SDK1: variants seen among roughly 807,000 people sequenced by gnomAD.
The protein encoded by SDK1 is sidekick cell adhesion molecule 1.
Under a neutral mutation model 245.5 loss-of-function variants are expected in SDK1, and 157 were observed. The ratio of observed to expected loss-of-function variants is 0.64; its 90% CI spans 0.56 to 0.73. SDK1 has a LOEUF of 0.73. Ranked by LOEUF, SDK1 falls within the 30% of genes least tolerant of loss-of-function variation. SDK1 has a pLI of 0.00. For missense variants in SDK1, 3,583 were observed against 3,002.3 expected, an observed-to-expected ratio of 1.19 and a Z score of -4.52; for synonymous variants, 1,647 against 1,278.5, an observed-to-expected ratio of 1.29 and a Z score of -6.15.
chr7:4,268,385 G>A lies in SDK1; in HGVS notation c.*3001G>A, dbSNP rs1025140476. 1.2e-5 allele frequency: 13 copies of A among 1,070,414 alleles called. No homozygotes were observed. Among genetic ancestry groups the A allele is most frequent in the Non-Finnish European group, 1.3e-5 (11 of 877,474 alleles). The allele number at this position is 1,070,414 out of a possible 1,614,324, so 66.3% of individuals were successfully genotyped here. On this transcript the variant is annotated 3_prime_UTR_variant, in exon 45 of 45. Coordinates refer to ENST00000404826, the MANE Select transcript of SDK1 (RefSeq NM_152744.4). ...CGGCCTCCTGCACGGCCACCTTCTG[G>A]GTGAATCGGTCCAGCCCAAGCCCCT...
chr7:3,427,474 G>T (rs901933896), intron 1 of SDK1, among the ~76,000 whole-genome samples: 10 of 148,748 alleles, frequency 6.7e-5, no homozygotes, highest in African/African-American at 2.0e-4. Context: ...AGCTGAGATT[G>T]TGCCATTGGA....
chr7:3,467,424 A>G (rs937444730), intron 1 of SDK1, among the ~76,000 whole-genome samples: 38 of 152,228 alleles, frequency 2.5e-4, no homozygotes, highest in Admixed American at 1.8e-3. Context: ...CCAAAAATGT[A>G]TAGTATAAAA....
intron 17 of SDK1, among the ~76,000 whole-genome samples, chr7:4,042,492 G>T (rs1256554873): frequency 7.3e-6 from 1 of 136,490 alleles, no homozygotes; most frequent in African/African-American, 3.4e-5. Context: ...CCAGGTGCCT[G>T]CGTGGGGGGA....
At chr7:3,926,679 G>A (rs755780912) in intron 5 of SDK1, among the ~76,000 whole-genome samples, 2 of 152,130 alleles carry the variant, frequency 1.3e-5, no homozygotes, top group Non-Finnish European at 2.9e-5. Context: ...GTGAGGTCCT[G>A]TTTTGATTTT....
chr7:4,017,372 C>G lies in SDK1; in HGVS notation c.2602+20C>G, dbSNP rs998221621. On this transcript the variant is annotated intron_variant, in intron 17 of 44. Coordinates refer to ENST00000404826, the MANE Select transcript of SDK1 (RefSeq NM_152744.4). ...AGGGAGGTAAGCTTGTCTCCAAAACCACGAGGTGGCGGGATCTTTGCCGGG... is the reference window on the plus strand; with the variant it reads ...AGGGAGGTAAGCTTGTCTCCAAAACGACGAGGTGGCGGGATCTTTGCCGGG... The G allele has an allele frequency of 1.3e-6, 2 of 1,587,538 alleles. No homozygotes were observed. Among genetic ancestry groups the G allele is most frequent in the Admixed American group, 1.7e-5 (1 of 57,554 alleles).
At chr7:3,340,073 C>T (rs942841253) in intron 1 of SDK1, among the ~76,000 whole-genome samples, 2 of 152,010 alleles carry the variant, frequency 1.3e-5, no homozygotes, top group African/African-American at 4.8e-5. Context: ...ACTTTGTGCT[C>T]ATAAATTTGA....
intron 4 of SDK1, among the ~76,000 whole-genome samples, chr7:3,658,929 T>C (rs1472717411): frequency 6.6e-6 from 1 of 152,124 alleles, no homozygotes; most frequent in East Asian, 1.9e-4. Context: ...ATCACCACTA[T>C]CTAACAGAAT....
chr7:3,332,401 A>G (rs1465638189), intron 1 of SDK1, among the ~76,000 whole-genome samples: 1 of 152,094 alleles, frequency 6.6e-6, no homozygotes, highest in Non-Finnish European at 1.5e-5. Flanking sequence ...CTGTATGTAA[A>G]TTCTTATTCT....
intron 35 of SDK1, among the ~76,000 whole-genome samples, chr7:4,188,335 C>G (rs1249383097): frequency 6.6e-6 from 1 of 152,048 alleles, no homozygotes; most frequent in Non-Finnish European, 1.5e-5. Flanking sequence ...AAGAAATAGC[C>G]CAGGTTAAGT....
intron 35 of SDK1, among the ~76,000 whole-genome samples, chr7:4,199,671 C>T (rs867496183): frequency 6.6e-6 from 1 of 152,144 alleles, no homozygotes; most frequent in African/African-American, 2.4e-5. Flanking sequence ...CAGACTAAGG[C>T]CATCCCCTGG....
At chr7:3,553,725 C>T (rs1779490157) in intron 1 of SDK1, among the ~76,000 whole-genome samples, 1 of 152,156 alleles carries the variant, frequency 6.6e-6, no homozygotes, top group Admixed American at 6.5e-5. Flanking sequence ...ACAAATGGTC[C>T]AGCTGAGTAG....
intron 22 of SDK1, among the ~76,000 whole-genome samples, chr7:4,087,479 G>A (rs73671532): frequency 1.0e-4 from 15 of 150,362 alleles, no homozygotes; most frequent in East Asian, 5.9e-4. Flanking sequence ...ACACACGCGC[G>A]CACACACACA....
chr7:3,555,476 G>C (rs1394244656), intron 1 of SDK1, among the ~76,000 whole-genome samples: 3 of 152,130 alleles, frequency 2.0e-5, no homozygotes, highest in Non-Finnish European at 4.4e-5. Flanking sequence ...ACTAGTAAAA[G>C]AAAACATTGG....
chr7:3,691,931 A>G (rs906307747), intron 4 of SDK1, among the ~76,000 whole-genome samples: 2 of 152,046 alleles, frequency 1.3e-5, no homozygotes, highest in East Asian at 1.9e-4. Flanking sequence ...AGGATTCACT[A>G]TGACCTTGCT....
chr7:4,076,915 G>C (rs1780718710), intron 20 of SDK1, 83 bp from the exon 21 acceptor site: 1 of 1,226,830 alleles, frequency 8.2e-7, no homozygotes, highest in Non-Finnish European at 1.2e-6. Context: ...ATAGCTCCAA[G>C]CCTGCAACGA....
At chr7:3,734,085 C>G (rs575177356) in intron 4 of SDK1, among the ~76,000 whole-genome samples, 34 of 152,308 alleles carry the variant, frequency 2.2e-4, no homozygotes, top group Non-Finnish European at 4.1e-4. Context: ...CCAGGCTCCC[C>G]GTGAGATGAA....
At chr7:4,146,567 A>G (rs1243677566) in intron 29 of SDK1, among the ~76,000 whole-genome samples, 4 of 152,270 alleles carry the variant, frequency 2.6e-5, no homozygotes, top group African/African-American at 4.8e-5. Flanking sequence ...AAGGAAAGCA[A>G]CATTGCTCGC....
chr7:4,068,024 G>A, intron 20 of SDK1, 88 bp downstream of exon 20: 5 of 894,170 alleles, frequency 5.6e-6, no homozygotes, highest in Middle Eastern at 2.2e-4. Context: ...ACTGCTGACA[G>A]CATGGACCCG....
chr7:3,456,981 G>T (rs1562497479), intron 1 of SDK1, among the ~76,000 whole-genome samples: 1 of 152,148 alleles, frequency 6.6e-6, no homozygotes, highest in Non-Finnish European at 1.5e-5. Context: ...GGACTCCCCC[G>T]ATCCTTGCAG....
Sources: allele counts gnomAD v4.1 joint callset (sites outside exome capture counted in the v4.1 genomes callset), GRCh38; gene constraint gnomAD v4.1.1; transcripts MANE v1.5; gene names NCBI Gene and HGNC (gene_info 2026-07-23, HGNC 2026-07-21).